The following UGT2A3 variants were observed in gnomAD, a reference collection of about 807,000 sequenced individuals.
UGT2A3 encodes UDP glucuronosyltransferase family 2 member A3, also known as UDP-glucuronosyltransferase 2A3.
Under a neutral mutation model 44.1 loss-of-function variants are expected in UGT2A3, and 55 were observed. That is an observed-to-expected ratio of 1.25 (90% CI 1.00 to 1.56). The LOEUF is 1.56. Among genes scored for constraint, UGT2A3 ranks in the 40% most tolerant of loss-of-function variants. The pLI, the probability that UGT2A3 is intolerant of heterozygous loss-of-function variation, is 0.00. For synonymous variants in UGT2A3, 243 were observed against 215.1 expected (o/e 1.13, Z -1.13); for missense variants, 733 against 621.6 (o/e 1.18, Z -1.91).
At chr4:68,930,227 A>T (rs560366832) in intron 5 of UGT2A3, 135 bp from the exon 6 acceptor site, 114 of 1,061,412 alleles carry the variant, frequency 1.1e-4, no homozygotes, top group Non-Finnish European at 1.4e-4. Context: ...TTGTGACATG[A>T]ATATTGTTGG....
At position 68,929,797 on chromosome 4, in the gene UGT2A3, T is replaced by G. The variant is rs758714512; in HGVS notation, c.*16A>C. On this transcript the variant is annotated 3_prime_UTR_variant, in exon 6 of 6. Coordinates refer to ENST00000251566, the MANE Select transcript of UGT2A3 (RefSeq NM_024743.4). ...ACAGGATTACCCCATCAGGTCTTTC[T>G]TGAATTTGGAAAGATCTATTCCCTC... The G allele has an allele frequency of 1.3e-6, 2 of 1,551,300 alleles. No individual in the cohort carries two copies. The highest frequency in any genetic ancestry group is 1.7e-6 in the Non-Finnish European group (2 of 1,146,254).
intron 3 of UGT2A3, among the ~76,000 whole-genome samples, chr4:68,931,540 T>C (rs1303879924): frequency 6.6e-6 from 1 of 152,098 alleles, no homozygotes; most frequent in Non-Finnish European, 1.5e-5. Context: ...GTGGCTAATC[T>C]ATTTTTATAT....
At chr4:68,944,444 A>G (rs1302353651) in intron 2 of UGT2A3, among the ~76,000 whole-genome samples, 1 of 151,870 alleles carries the variant, frequency 6.6e-6, no homozygotes, top group South Asian at 2.1e-4. Context: ...AGACATACTT[A>G]CAAAACTATT....
chr4:68,945,496 A>G, intron 1 of UGT2A3, 42 bp from the exon 2 acceptor site: 1 of 1,500,878 alleles, frequency 6.7e-7, no homozygotes, highest in Non-Finnish European at 8.9e-7. Context: ...ATACAATTCA[A>G]ATAAAAAATT....
At chr4:68,930,273 A>G (rs569038616) in intron 5 of UGT2A3, among the ~76,000 whole-genome samples, 181 bp from the exon 6 acceptor site, 1 of 152,210 alleles carries the variant, frequency 6.6e-6, no homozygotes, top group South Asian at 2.1e-4. Flanking sequence ...GGAGAGACTG[A>G]AAGAGTATAT....
At chr4:68,934,678 C>G (rs1212197317) in intron 2 of UGT2A3, among the ~76,000 whole-genome samples, 2 of 151,716 alleles carry the variant, frequency 1.3e-5, no homozygotes, top group Non-Finnish European at 2.9e-5. Flanking sequence ...TTGAGAATAG[C>G]TTAGTAAGAA....
chr4:68,935,621 G>T lies in UGT2A3; in HGVS notation c.865-2862C>A, dbSNP rs575632193. ...GATGGAGAGAAACCAGAGCAGAAAA[G>T]CTGAATGTTCTAAAAAGCAGAGCGC... On this transcript the variant is annotated intron_variant, in intron 2 of 5. Coordinates refer to ENST00000251566, the MANE Select transcript of UGT2A3 (RefSeq NM_024743.4). Among the ~76,000 whole-genome samples, 3 of 152,100 alleles carry T rather than the reference G, an allele frequency of 2.0e-5. No individual in the cohort carries two copies. The South Asian group carries it at 6.2e-4, about 32-fold the overall frequency.
At chr4:68,935,987 A>G (rs1717936819) in intron 2 of UGT2A3, among the ~76,000 whole-genome samples, 1 of 152,128 alleles carries the variant, frequency 6.6e-6, no homozygotes, top group African/African-American at 2.4e-5. Flanking sequence ...AATTAATGAA[A>G]TAAAGCAAGA....
At chr4:68,945,634 G>A (rs1236101853) in intron 1 of UGT2A3, among the ~76,000 whole-genome samples, 180 bp from the exon 2 acceptor site, 3 of 149,298 alleles carry the variant, frequency 2.0e-5, no homozygotes, top group Non-Finnish European at 3.0e-5. Context: ...AGAAAGAAAG[G>A]AAAAAAGAAG....
intron 1 of UGT2A3, among the ~76,000 whole-genome samples, chr4:68,950,666 AAAG>A (rs1350575482): frequency 3.3e-5 from 5 of 151,982 alleles, no homozygotes; most frequent in Admixed American, 1.3e-4. Flanking sequence ...AAATTAATTC[AAAG>A]AAGACCTTCT....
intron 5 of UGT2A3, 68 bp downstream of exon 5, chr4:68,930,478 T>C: frequency 7.3e-7 from 1 of 1,378,812 alleles, no homozygotes; most frequent in South Asian, 1.5e-5. Flanking sequence ...GGATGATATT[T>C]AACATTTTCT....
At chr4:68,950,303 C>A (rs974351487) in intron 1 of UGT2A3, among the ~76,000 whole-genome samples, 1 of 151,844 alleles carries the variant, frequency 6.6e-6, no homozygotes, top group Non-Finnish European at 1.5e-5. Context: ...ACAGTCTATG[C>A]ATAAGAATTC....
At chr4:68,934,090 A>G (rs1415077141) in intron 2 of UGT2A3, among the ~76,000 whole-genome samples, 1 of 152,078 alleles carries the variant, frequency 6.6e-6, no homozygotes, top group Non-Finnish European at 1.5e-5. Context: ...AAATAAACCA[A>G]TAAAATTTCA....
chr4:68,946,984 AT>A (rs1287599192), intron 1 of UGT2A3, among the ~76,000 whole-genome samples: 3 of 151,700 alleles, frequency 2.0e-5, no homozygotes, highest in African/African-American at 7.2e-5. Context: ...GAGGTTTTTT[AT>A]TTTTATTTTT....
rs2125308 is a variant in UGT2A3, at chr4:68,940,996, C to T, written c.864+4310G>A. On this transcript the variant is annotated intron_variant, in intron 2 of 5. Coordinates refer to ENST00000251566, the MANE Select transcript of UGT2A3 (RefSeq NM_024743.4). ...TGGGGGTAGAATCTAACAGAATGTG[C>T]CTTTGTCATGGAAGCAGATCCCTCA... is the stretch of plus-strand genomic sequence containing the variant. Among the ~76,000 whole-genome samples the T allele has an allele frequency of 1.8e-3, 275 of 151,680 alleles. 1 individual carries two copies. Among genetic ancestry groups the T allele is most frequent in the African/African-American group, 6.1e-3 (254 of 41,416 alleles).
At chr4:68,930,246 T>C (rs775587777) in intron 5 of UGT2A3, among the ~76,000 whole-genome samples, 154 bp from the exon 6 acceptor site, 3 of 152,132 alleles carry the variant, frequency 2.0e-5, no homozygotes, top group African/African-American at 4.8e-5. Context: ...GGTTACATAG[T>C]ATTAAACAGA....
chr4:68,936,772 G>T (rs1717966864), intron 2 of UGT2A3, among the ~76,000 whole-genome samples: 1 of 149,860 alleles, frequency 6.7e-6, no homozygotes, highest in Non-Finnish European at 1.5e-5. Context: ...CTGGCAAATT[G>T]TATAAAGAGT....
intron 2 of UGT2A3, among the ~76,000 whole-genome samples, chr4:68,939,127 G>C (rs997643870): frequency 4.6e-5 from 7 of 152,092 alleles, no homozygotes; most frequent in Non-Finnish European, 8.8e-5. Context: ...TACTGTCCAA[G>C]GTAATTTATA....
intron 2 of UGT2A3, among the ~76,000 whole-genome samples, chr4:68,940,334 G>A (rs900630721): frequency 1.8e-4 from 28 of 152,190 alleles, no homozygotes; most frequent in African/African-American, 5.3e-4. Flanking sequence ...TTAAGAAAAC[G>A]TAGCACATAT....
Sources: allele counts gnomAD v4.1 joint callset (sites outside exome capture counted in the v4.1 genomes callset), GRCh38; gene constraint gnomAD v4.1.1; transcripts MANE v1.5; gene names NCBI Gene and HGNC (gene_info 2026-07-23, HGNC 2026-07-21).